SHPK: variants seen among roughly 807,000 people sequenced by gnomAD.
The protein encoded by SHPK is sedoheptulokinase, also known as carbohydrate kinase-like protein.
Under a neutral mutation model 46.3 loss-of-function variants are expected in SHPK, and 51 were observed. That is an observed-to-expected ratio of 1.10 (90% CI 0.88 to 1.39). The LOEUF (loss-of-function observed/expected upper bound fraction) is 1.39. Among genes scored for constraint, SHPK ranks in the 40% most tolerant of loss-of-function variants. The pLI is 0.00. For missense variants in SHPK, 668 were observed against 641.3 expected (o/e 1.04, Z -0.45); for synonymous variants, 290 against 273.9 (o/e 1.06, Z -0.58).
chr17:3,622,744 C>A (rs1359569144), intron 4 of SHPK: 1 of 235,148 alleles, frequency 4.3e-6, no homozygotes, highest in Non-Finnish European at 6.7e-6. Flanking sequence ...TCGCTCTGTC[C>A]CCCAGGCTGG....
chr17:3,623,932 G>T, intron 3 of SHPK, 116 bp downstream of exon 3: 1 of 1,044,558 alleles, frequency 9.6e-7, no homozygotes, highest in Non-Finnish European at 1.4e-6. Flanking sequence ...ATCCTGTCCT[G>T]CCAGGACACA....
Position 3,623,326 on chromosome 17 carries a change from A to G in SHPK, c.647+13T>C, listed in dbSNP as rs759452109. ...GGAGCAGGAGGAACAGCCTGCAAGG[A>G]TGTGATACTCACGTCTCTACGTTCC... On this transcript the variant is annotated intron_variant, in intron 4 of 6. Transcript: ENST00000225519. The G allele has an allele frequency of 1.9e-5, 30 of 1,613,796 alleles. No individual in the cohort carries two copies. In the East Asian group the frequency reaches 5.3e-4, roughly 29 times the overall value.
chr17:3,628,392 G>A (rs747235287), intron 2 of SHPK, among the ~76,000 whole-genome samples: 13 of 149,988 alleles, frequency 8.7e-5, no homozygotes, highest in East Asian at 3.9e-4. Flanking sequence ...GCGCGATCTC[G>A]GCTCACTGCA....
chr17:3,622,490 G>A, intron 4 of SHPK: 2 of 614,288 alleles, frequency 3.3e-6, no homozygotes, highest in African/African-American at 2.0e-5. Flanking sequence ...AGTCACTCAG[G>A]GTTAGTGAAT....
rs1011045911 is a variant in SHPK at position 3,621,169 on chromosome 17, GCA to G, written c.823+66_823+67del. 163 of 1,338,950 alleles carry G rather than the reference GCA, an allele frequency of 1.2e-4. No individual in the cohort carries two copies. The African/African-American group carries it at 2.2e-3, about 18-fold the overall frequency. The allele number at this position is 1,338,950 out of a possible 1,614,324, so 82.9% of individuals were successfully genotyped here. A position where few individuals can be genotyped will look rare whatever the true frequency, so the allele number is the denominator to read the frequency against. On this transcript the variant is annotated intron_variant, in intron 5 of 6. Coordinates refer to ENST00000225519, the MANE Select transcript of SHPK (RefSeq NM_013276.4). ...TAAGCTCTGTGTGCCCTGCAGACTC[GCA>G]CAGAGCTGGTGCTTATGAGGCAGGC...
At chr17:3,630,051 A>C (rs991621654) in intron 2 of SHPK, among the ~76,000 whole-genome samples, 154 bp downstream of exon 2, 10 of 152,162 alleles carry the variant, frequency 6.6e-5, no homozygotes, top group Non-Finnish European at 1.5e-4. Context: ...ATGCTCACCC[A>C]CGCAGGAGGC....
At chr17:3,625,495 C>T (rs2075428680) in intron 2 of SHPK, among the ~76,000 whole-genome samples, 3 of 152,196 alleles carry the variant, frequency 2.0e-5, no homozygotes, top group Non-Finnish European at 4.4e-5. Flanking sequence ...GGGCAAAGAG[C>T]AGCCGGCAGA....
Position 3,610,816 on chromosome 17 carries a change from G to A in SHPK, c.1181C>T (p.Ser394Phe), listed in dbSNP as rs1386073623. 2.5e-6 allele frequency: 4 copies of A among 1,614,180 alleles called. No individual in the cohort carries two copies. The highest frequency in any genetic ancestry group is 2.2e-5 in the East Asian group (1 of 44,874). ...SVTRISSSDL[S>F]LGHVTRALCR... ...CAGAGCCCGGGTCACGTGCCCCAGG[G>A]AGAGGTCGGAGGAGGAGATTCTGGT... The change falls in exon 7 of 7, where the codon TCC (serine) becomes TTC (phenylalanine). Residue 394 changes from serine to phenylalanine, a missense_variant. By Grantham distance (155) the Ser-to-Phe change is radical (BLOSUM62 -2). Transcript: ENST00000225519.
intron 5 of SHPK, among the ~76,000 whole-genome samples, chr17:3,618,851 A>C (rs1370868874): frequency 6.6e-6 from 1 of 152,156 alleles, no homozygotes; most frequent in Non-Finnish European, 1.5e-5. Context: ...ATTATAAGTA[A>C]TGCTGCTGTG....
Position 3,623,390 on chromosome 17 carries a change from G to T in SHPK, c.596C>A (p.Ala199Asp), listed in dbSNP as rs1245444142. 1.2e-6 allele frequency: 2 copies of T among 1,614,200 alleles called. No homozygotes were observed. Among genetic ancestry groups the T allele is most frequent in the Non-Finnish European group, 1.7e-6 (2 of 1,180,006 alleles). ...CGTGTTGAAATAGCCCCAGCTGGCAGCATTCTGGTCGGACATCAGAGGTCT... is the reference window on the plus strand; with the variant it reads ...CGTGTTGAAATAGCCCCAGCTGGCATCATTCTGGTCGGACATCAGAGGTCT... ...LPRPLMSDQN[A>D]ASWGYFNTQS... Residue 199 changes from alanine (A) to aspartate (D), a missense_variant, in exon 4 of 7, where the codon GCT (alanine) becomes GAT (aspartate). Coordinates refer to ENST00000225519, the MANE Select transcript of SHPK (RefSeq NM_013276.4).
chr17:3,618,584 A>G (rs2150869034), intron 5 of SHPK, among the ~76,000 whole-genome samples: 1 of 152,180 alleles, frequency 6.6e-6, no homozygotes, highest in Admixed American at 6.5e-5. Context: ...GATCGAGACC[A>G]TCCTGGCCAA....
chr17:3,619,711 C>G (rs190806636), intron 5 of SHPK: 49 of 321,218 alleles, frequency 1.5e-4, no homozygotes, highest in African/African-American at 1.0e-3. Context: ...CCAGCCTGGG[C>G]GACAGAGTGA....
At position 3,610,827 on chromosome 17, in the gene SHPK, G is replaced by A. The variant is rs753789443; in HGVS notation, c.1170C>T (p.Ser390=). 3 of 1,614,168 alleles carry A rather than the reference G, an allele frequency of 1.9e-6. No homozygotes were observed. Among genetic ancestry groups the A allele is most frequent in the Non-Finnish European group, 2.5e-6 (3 of 1,180,032 alleles). The change falls in exon 7 of 7, where the codon TCC becomes TCT. Residue 390 remains serine (S), a synonymous_variant. Transcript: ENST00000225519. ...TCACGTGCCCCAGGGAGAGGTCGGA[G>A]GAGGAGATTCTGGTCACTGAGGCCA... ...DQLASVTRIS[S]SDLSLGHVTR... is the part of the protein sequence containing the mutation.
chr17:3,625,450 C>T (rs147217306), intron 2 of SHPK, among the ~76,000 whole-genome samples: 33 of 152,272 alleles, frequency 2.2e-4, no homozygotes, highest in Non-Finnish European at 4.3e-4. Flanking sequence ...GTAAGAAGTG[C>T]GACTACGCCG....
Position 3,610,929 on chromosome 17 carries a change from C to G in SHPK, c.1068G>C (p.Gln356His). ...EESTVYSRMI[Q>H]AAVQQRDTHL... ...GGGTATCTCTCTGCTGCACAGCTGCCTGAATCATGCGTGAATACACAGTGG... is the reference window on the plus strand; with the variant it reads ...GGGTATCTCTCTGCTGCACAGCTGCGTGAATCATGCGTGAATACACAGTGG... The change falls in exon 7 of 7, where the codon CAG becomes CAC. Residue 356 changes from glutamine to histidine, a missense_variant. Physicochemically the swap from Gln to His is conservative, Grantham distance 24. Coordinates refer to ENST00000225519, the MANE Select transcript of SHPK (RefSeq NM_013276.4). 1 of 1,613,626 alleles carries G rather than the reference C, an allele frequency of 6.2e-7. No individual in the cohort carries two copies. The highest frequency in any genetic ancestry group is 1.1e-5 in the South Asian group (1 of 91,060).
In SHPK at chr17:3,615,389, G is replaced by A; in HGVS notation, c.972C>T (p.Gly324=). Reference sequence around the variant, plus strand: ...TGTGGACGAACGTGGCCAGCACATTGCCCCCGTTGAGTGACGCGGCCACCC... The same window carrying A: ...TGTGGACGAACGTGGCCAGCACATTACCCCCGTTGAGTGACGCGGCCACCC... ...YLGVAASLNG[G]NVLATFVHML... Residue 324 remains glycine (G), a synonymous_variant, in exon 6 of 7, where the codon GGC becomes GGT. Transcript: ENST00000225519. 6.2e-7 allele frequency: 1 copy of A among 1,614,202 alleles called. No homozygotes were observed. The highest frequency in any genetic ancestry group is 1.7e-5 in the Admixed American group (1 of 60,024).
intron 6 of SHPK, among the ~76,000 whole-genome samples, chr17:3,613,306 G>A (rs758586040): frequency 1.4e-5 from 2 of 144,968 alleles, no homozygotes; most frequent in Non-Finnish European, 2.9e-5. Flanking sequence ...AGGATGCAAC[G>A]ATGTTTTTAA....
chr17:3,624,608 T>C (rs752554627), intron 2 of SHPK, among the ~76,000 whole-genome samples: 1 of 152,088 alleles, frequency 6.6e-6, no homozygotes, highest in Non-Finnish European at 1.5e-5. Flanking sequence ...ACCAGTAAAT[T>C]TTCTCTTTTC....
intron 1 of SHPK, among the ~76,000 whole-genome samples, chr17:3,630,962 T>C (rs1054668991): frequency 6.6e-6 from 1 of 152,190 alleles, no homozygotes; most frequent in African/African-American, 2.4e-5. Context: ...TTTGAGGAAC[T>C]AGCAAAGCTA....
Sources: allele counts gnomAD v4.1 joint callset (sites outside exome capture counted in the v4.1 genomes callset), GRCh38; gene constraint gnomAD v4.1.1; transcripts MANE v1.5; gene names NCBI Gene and HGNC (gene_info 2026-07-23, HGNC 2026-07-21).